Variants in TMEM74 observed in about 807,000 individuals in gnomAD.
TMEM74 encodes transmembrane protein 74.
In TMEM74, 13 loss-of-function variants were observed where a neutral mutation model predicts 18.1. The ratio of observed to expected loss-of-function variants is 0.72; its 90% CI spans 0.47 to 1.14. The LOEUF (loss-of-function observed/expected upper bound fraction) is 1.14. TMEM74 is among the 50% of genes most tolerant of loss of function. The pLI is 0.00. For synonymous variants in TMEM74, 159 were observed against 146.6 expected (o/e 1.08, Z -0.61); for missense variants, 372 against 375.9 (o/e 0.99, Z 0.09).
intron 1 of TMEM74, among the ~76,000 whole-genome samples, chr8:108,713,907 G>T (rs910444982): frequency 1.3e-5 from 2 of 152,180 alleles, no homozygotes; most frequent in Admixed American, 6.5e-5. Flanking sequence ...AACCCAGGGG[G>T]CCACTGGTGT....
At chr8:108,760,058 A>G (rs1264008126) in intron 1 of TMEM74, among the ~76,000 whole-genome samples, 2 of 151,938 alleles carry the variant, frequency 1.3e-5, no homozygotes, top group African/African-American at 2.4e-5. Context: ...CTGTAGTTGT[A>G]GCTACTCAGG....
At chr8:108,734,555 T>G (rs1333115670) in intron 1 of TMEM74, among the ~76,000 whole-genome samples, 2 of 152,190 alleles carry the variant, frequency 1.3e-5, no homozygotes, top group African/African-American at 2.4e-5. Flanking sequence ...AATCGTCATC[T>G]CTATTATGTT....
intron 2 of TMEM74, among the ~76,000 whole-genome samples, chr8:108,611,894 C>A (rs1812338057): frequency 6.6e-6 from 1 of 152,194 alleles, no homozygotes; most frequent in Non-Finnish European, 1.5e-5. Flanking sequence ...TGAATTGACT[C>A]ACAGTTCTGC....
chr8:108,752,040 TTGTTGAA>T (rs934083836), intron 1 of TMEM74, among the ~76,000 whole-genome samples: 41 of 136,108 alleles, frequency 3.0e-4, no homozygotes, highest in Middle Eastern at 3.7e-3. Context: ...TCAATTAATG[TTGTTGAA>T]TGAATGAATG....
At position 108,664,500 on chromosome 8, in the gene TMEM74, C is replaced by G. The variant is rs182182048; in HGVS notation, n.120-9063G>C. 5.9e-4 allele frequency among the ~76,000 whole-genome samples: 89 copies of G among 152,096 alleles called. 1 individual carries two copies. Among genetic ancestry groups the G allele is most frequent in the Non-Finnish European group, 8.4e-4 (57 of 67,988 alleles). ...ACATTGATTTTGTATCTCAAGACTTCGTTAAAGTTGTTTTTCAGATCAAAG... is the reference window on the plus strand; with the variant it reads ...ACATTGATTTTGTATCTCAAGACTTGGTTAAAGTTGTTTTTCAGATCAAAG... On this transcript the variant is annotated intron_variant and non_coding_transcript_variant, in intron 1 of 3. Coordinates refer to the TMEM74 transcript ENST00000518838.
chr8:108,756,590 A>AG (rs1813964033), intron 1 of TMEM74, among the ~76,000 whole-genome samples: 1 of 103,516 alleles, frequency 9.7e-6, no homozygotes, highest in African/African-American at 4.3e-5. Flanking sequence ...GAAAGAAAGA[A>AG]AGAAAGAGAA....
intron 1 of TMEM74, among the ~76,000 whole-genome samples, chr8:108,724,935 T>C (rs543684085): frequency 2.0e-4 from 30 of 152,314 alleles, no homozygotes; most frequent in African/African-American, 6.5e-4. Flanking sequence ...CCTCTTAGAA[T>C]AAAACACAAC....
intron 1 of TMEM74, among the ~76,000 whole-genome samples, chr8:108,671,957 T>A (rs1451485281): frequency 6.6e-6 from 1 of 152,190 alleles, no homozygotes; most frequent in Non-Finnish European, 1.5e-5. Flanking sequence ...TATTATTCTG[T>A]ATGGGGAGCA....
intron 1 of TMEM74, among the ~76,000 whole-genome samples, chr8:108,740,697 A>G (rs1813791715): frequency 6.6e-6 from 1 of 152,196 alleles, no homozygotes; most frequent in South Asian, 2.1e-4. Context: ...GTGATCTGTG[A>G]TCACTGATCT....
At chr8:108,709,376 C>G (rs1180485226) in intron 1 of TMEM74, among the ~76,000 whole-genome samples, 1 of 152,046 alleles carries the variant, frequency 6.6e-6, no homozygotes, top group African/African-American at 2.4e-5. Context: ...CTGTTTGTGA[C>G]AACATCAATA....
chr8:108,706,402 T>C (rs996320851), intron 1 of TMEM74, among the ~76,000 whole-genome samples: 1 of 152,216 alleles, frequency 6.6e-6, no homozygotes, highest in African/African-American at 2.4e-5. Flanking sequence ...TTTGAACTTA[T>C]GATGTATCTA....
chr8:108,697,951 A>AT (rs1813296851), intron 1 of TMEM74, among the ~76,000 whole-genome samples: 3 of 152,128 alleles, frequency 2.0e-5, no homozygotes, highest in Non-Finnish European at 4.4e-5. Context: ...TCTCAAGATG[A>AT]CCTACTACTG....
intron 2 of TMEM74, among the ~76,000 whole-genome samples, chr8:108,633,848 A>G (rs1812579264): frequency 6.6e-6 from 1 of 152,018 alleles, no homozygotes; most frequent in Non-Finnish European, 1.5e-5. Flanking sequence ...TTTGCTTGCC[A>G]TGTCATGAGG....
chr8:108,723,853 G>A (rs989267923), intron 1 of TMEM74, among the ~76,000 whole-genome samples: 21 of 152,100 alleles, frequency 1.4e-4, no homozygotes, highest in Non-Finnish European at 2.9e-4. Flanking sequence ...TTTCTTCCAG[G>A]GAATTATTAA....
chr8:108,681,284 A>G (rs1813112050), intron 1 of TMEM74, among the ~76,000 whole-genome samples: 1 of 152,190 alleles, frequency 6.6e-6, no homozygotes, highest in Non-Finnish European at 1.5e-5. Flanking sequence ...AGGCTACAGT[A>G]ACCAAAACAG....
chr8:108,681,353 A>C (rs1813113163), intron 1 of TMEM74, among the ~76,000 whole-genome samples: 1 of 152,184 alleles, frequency 6.6e-6, no homozygotes, highest in Non-Finnish European at 1.5e-5. Context: ...AGCCCTCAGA[A>C]ATAATGCTGC....
intron 1 of TMEM74, among the ~76,000 whole-genome samples, chr8:108,694,764 A>G (rs1262857422): frequency 1.3e-5 from 2 of 152,214 alleles, no homozygotes; most frequent in Non-Finnish European, 2.9e-5. Flanking sequence ...GACCGTACAC[A>G]ACTATGGAAG....
chr8:108,649,815 A>T (rs552861999), intron 2 of TMEM74, among the ~76,000 whole-genome samples: 2 of 152,264 alleles, frequency 1.3e-5, no homozygotes, highest in South Asian at 4.1e-4. Context: ...AGGGTTTTCA[A>T]GTCCAGTGGA....
At chr8:108,707,373 C>T (rs1813427131) in intron 1 of TMEM74, among the ~76,000 whole-genome samples, 1 of 151,750 alleles carries the variant, frequency 6.6e-6, no homozygotes, top group Non-Finnish European at 1.5e-5. Flanking sequence ...CCAAAGAAAT[C>T]TTCCAAATTA....
Sources: allele counts gnomAD v4.1 joint callset (sites outside exome capture counted in the v4.1 genomes callset), GRCh38; gene constraint gnomAD v4.1.1; transcripts MANE v1.5; gene names NCBI Gene and HGNC (gene_info 2026-07-23, HGNC 2026-07-21).